MEA1: variants seen among roughly 807,000 people sequenced by gnomAD.
The protein encoded by MEA1 is male-enhanced antigen 1, also known as Male-enhanced antigen (H-Y structural gene).
Under a neutral mutation model 21.4 loss-of-function variants are expected in MEA1, and 22 were observed. The ratio of observed to expected loss-of-function variants is 1.03; its 90% CI spans 0.73 to 1.47. The LOEUF (loss-of-function observed/expected upper bound fraction) is 1.47, where lower values mean the gene tolerates loss of function less well. MEA1 is among the 40% of genes most tolerant of loss of function. MEA1 has a pLI of 0.00. For synonymous variants in MEA1, 91 were observed against 85.5 expected (o/e 1.06, Z -0.35); for missense variants, 233 against 230.5 (o/e 1.01, Z -0.07).
chr6:43,014,031 TCCCAGCCC>T, upstream of MEA1: 1 of 1,417,496 alleles, frequency 7.1e-7, no homozygotes, highest in South Asian at 1.6e-5. Flanking sequence ...CCTCCGTCAT[TCCCAGCCC>T]AAAAAACAAA....
At position 43,012,253 on chromosome 6, in the gene MEA1, A is replaced by C; in HGVS notation, c.*217T>G. ...TTTGGCTGTGTACATAGGGTGCTTTATTCTCCACAGAGTGATACATGCTAA... is the reference window on the plus strand; with the variant it reads ...TTTGGCTGTGTACATAGGGTGCTTTCTTCTCCACAGAGTGATACATGCTAA... On this transcript the variant is annotated 3_prime_UTR_variant, in exon 4 of 4. Coordinates refer to ENST00000244711, the MANE Select transcript of MEA1 (RefSeq NM_014623.4). 7.7e-7 allele frequency: 1 copy of C among 1,291,960 alleles called. No individual in the cohort carries two copies. The highest frequency in any genetic ancestry group is 9.8e-7 in the Non-Finnish European group (1 of 1,018,326). The allele number at this position is 1,291,960 out of a possible 1,614,324, so 80.0% of individuals were successfully genotyped here.
chr6:43,012,733 T>G (rs1023064237), intron 3 of MEA1, 112 bp from the exon 4 acceptor site: 2 of 1,369,234 alleles, frequency 1.5e-6, no homozygotes, highest in Non-Finnish European at 2.0e-6. Flanking sequence ...CAAATCCACC[T>G]TGTTACTTTA....
At chr6:43,014,411 C>G, upstream of MEA1, 1 of 433,192 alleles carries the variant, frequency 2.3e-6, no homozygotes, top group Non-Finnish European at 4.4e-6. Flanking sequence ...CTGTCTGGAG[C>G]TGGAGTGGCG....
chr6:43,012,805 C>T (rs1193055726), intron 3 of MEA1, 121 bp downstream of exon 3: 1 of 1,277,666 alleles, frequency 7.8e-7, no homozygotes, highest in Non-Finnish European at 1.1e-6. Context: ...CTGAAGTCTA[C>T]AAAATCTTAG....
Position 43,011,622 on chromosome 6 carries a change from T to G in MEA1, c.*848A>C. On this transcript the variant is annotated 3_prime_UTR_variant, in exon 4 of 4. Transcript: ENST00000244711. ...ACACAGGAATACATACGCTCCTCTA[T>G]TCTTCCCTTCATCCTCATTTGAACG... The G allele has an allele frequency of 3.1e-6, 1 of 317,950 alleles. No homozygotes were observed. The highest frequency in any genetic ancestry group is 5.9e-6 in the Non-Finnish European group (1 of 169,080). 19.7% of individuals were successfully genotyped at this position (317,950 alleles called of 1,614,324 possible).
chr6:43,013,419 G>C, intron 1 of MEA1, 30 bp from the exon 2 acceptor site: 1 of 1,604,548 alleles, frequency 6.2e-7, no homozygotes, highest in Non-Finnish European at 8.5e-7. Flanking sequence ...GTAGGACAGG[G>C]ATCGGATGAA....
In MEA1 at chr6:43,013,098, T is replaced by A. The variant is rs1762432203; in HGVS notation, c.303+17A>T. On this transcript the variant is annotated intron_variant, in intron 2 of 3. Coordinates refer to ENST00000244711, the MANE Select transcript of MEA1 (RefSeq NM_014623.4). Reference sequence around the variant, plus strand: ...CCCAGCTTCACCTGTTCAGGAACCATCCCTCCTCCACCCTACCTGGATTCG... The same window carrying A: ...CCCAGCTTCACCTGTTCAGGAACCAACCCTCCTCCACCCTACCTGGATTCG... 6.2e-7 allele frequency: 1 copy of A among 1,613,872 alleles called. No individual in the cohort carries two copies. The highest frequency in any genetic ancestry group is 1.7e-5 in the Admixed American group (1 of 59,982).
chr6:43,012,748 A>G, intron 3 of MEA1, 127 bp from the exon 4 acceptor site: 1 of 1,275,830 alleles, frequency 7.8e-7, no homozygotes, highest in Non-Finnish European at 1.1e-6. Flanking sequence ...ACTTTAAGGC[A>G]AGCCTGCCCA....
chr6:43,011,613 G>A lies in MEA1; in HGVS notation c.*857C>T, dbSNP rs1484083081. 8.2e-6 allele frequency: 3 copies of A among 365,124 alleles called. No individual in the cohort carries two copies. The highest frequency in any genetic ancestry group is 2.1e-5 in the African/African-American group (1 of 48,286). The allele number at this position is 365,124 out of a possible 1,614,324, so 22.6% of individuals were successfully genotyped here. On this transcript the variant is annotated 3_prime_UTR_variant, in exon 4 of 4. Coordinates refer to ENST00000244711, the MANE Select transcript of MEA1 (RefSeq NM_014623.4). Reference sequence around the variant, plus strand: ...GAGAAGTACACACAGGAATACATACGCTCCTCTATTCTTCCCTTCATCCTC... The same window carrying A: ...GAGAAGTACACACAGGAATACATACACTCCTCTATTCTTCCCTTCATCCTC...
chr6:43,013,204 G>T lies in MEA1; in HGVS notation c.214C>A (p.Pro72Thr), dbSNP rs1223294528. Reference protein sequence around the residue: ...GSGPAGYSYQPLNQDPEQEEV... With the variant: ...GSGPAGYSYQTLNQDPEQEEV... ...TCTTGTTCAGGATCTTGGTTCAGGG[G>T]CTGGTAGGAGTAGCCAGCTGGGCCC... The change falls in exon 2 of 4, where the codon CCC (proline) becomes ACC (threonine). Residue 72 changes from proline (P) to threonine (T), a missense_variant. Coordinates refer to ENST00000244711, the MANE Select transcript of MEA1 (RefSeq NM_014623.4). The T allele has an allele frequency of 3.7e-6, 6 of 1,614,024 alleles. No individual in the cohort carries two copies. The highest frequency in any genetic ancestry group is 5.1e-6 in the Non-Finnish European group (6 of 1,180,036).
At chr6:43,013,439 A>G (rs1292852896) in intron 1 of MEA1, 50 bp from the exon 2 acceptor site, 1 of 1,581,918 alleles carries the variant, frequency 6.3e-7, no homozygotes. Context: ...AACCAGGCCC[A>G]TCTTCATCCT....
chr6:43,015,975 C>T (rs1250012081), upstream of MEA1, among the ~76,000 whole-genome samples: 2 of 151,194 alleles, frequency 1.3e-5, no homozygotes, highest in African/African-American at 2.4e-5. Flanking sequence ...CTCGCTCTGT[C>T]GCCAGACTGG....
In MEA1 at chr6:43,011,157, A is replaced by C; in HGVS notation, c.*1313T>G. The C allele has an allele frequency of 6.2e-7, 1 of 1,614,170 alleles. No individual in the cohort carries two copies. The highest frequency in any genetic ancestry group is 1.1e-5 in the South Asian group (1 of 91,090). ...TCCCTATTCACACACAGATGCTAAA[A>C]GACATCAAGAAGGAGAAAGTGCTGC... On this transcript the variant is annotated 3_prime_UTR_variant, in exon 4 of 4. Coordinates refer to ENST00000244711, the MANE Select transcript of MEA1 (RefSeq NM_014623.4).
Position 43,013,537 on chromosome 6 carries a change from G to C in MEA1, c.29-148C>G, listed in dbSNP as rs569030666. The C allele has an allele frequency of 2.9e-5, 27 of 933,378 alleles. No homozygotes were observed. In the South Asian group the frequency reaches 4.7e-4, roughly 16 times the overall value. 57.8% of individuals were successfully genotyped at this position (933,378 alleles called of 1,614,324 possible). ...CCTCCACCCCTCCGCCCCAATTCCA[G>C]CCTCTCGTTCCTCCCCCTCCTAAGT... On this transcript the variant is annotated intron_variant, in intron 1 of 3. Transcript: ENST00000244711.
rs1222719271 is a variant in MEA1, at chr6:43,013,152, T to TC, written c.265dup (p.Asp89GlyfsTer7). The TC allele has an allele frequency of 6.2e-6, 10 of 1,614,052 alleles. No individual in the cohort carries two copies. Among genetic ancestry groups the TC allele is most frequent in the Non-Finnish European group, 8.5e-6 (10 of 1,179,998 alleles). On this transcript the variant is annotated frameshift_variant, in exon 2 of 4. Transcript: ENST00000244711. LOFTEE classifies it high-confidence loss of function. ...CTGGATGTCAGCAACTACATCTCCA[T>TC]CCCCCACTGGTGCCAGTTCCACCTC...
chr6:43,013,436 C>G lies in MEA1; in HGVS notation c.29-47G>C, dbSNP rs566799633. On this transcript the variant is annotated intron_variant, in intron 1 of 3. Coordinates refer to ENST00000244711, the MANE Select transcript of MEA1 (RefSeq NM_014623.4). Reference sequence around the variant, plus strand: ...AGGACAGGGATCGGATGAAACCAGGCCCATCTTCATCCTCTCATCATCTCC... The same window carrying G: ...AGGACAGGGATCGGATGAAACCAGGGCCATCTTCATCCTCTCATCATCTCC... 3.7e-5 allele frequency: 59 copies of G among 1,587,436 alleles called. No homozygotes were observed. In the East Asian group the frequency reaches 1.3e-3, roughly 36 times the overall value.
chr6:43,013,471 C>G (rs1427464732), intron 1 of MEA1, 82 bp from the exon 2 acceptor site: 1 of 1,485,224 alleles, frequency 6.7e-7, no homozygotes, highest in Non-Finnish European at 9.0e-7. Context: ...CTTGTAGTCT[C>G]CTGCGTGCAA....
At chr6:43,013,656 C>T (rs1446885541) in intron 1 of MEA1, 130 bp downstream of exon 1, 1 of 1,030,134 alleles carries the variant, frequency 9.7e-7, no homozygotes, top group Non-Finnish European at 1.5e-6. Flanking sequence ...CTAAAAGACA[C>T]CCCTTCCAGA....
At position 43,013,286 on chromosome 6, in the gene MEA1, T is replaced by C; in HGVS notation, c.132A>G (p.Glu44=). ...CCTCACTGCTCCAATCCCCAGTGCC[T>C]TCTGAAGGGCCCTGATGTCCCAGTT... The part of the protein sequence containing the change: ...TEELGHQGPS[E]GTGDWSSEEP... The change falls in exon 2 of 4, where the codon GAA becomes GAG. Residue 44 remains glutamate (E), a synonymous_variant. Coordinates refer to ENST00000244711, the MANE Select transcript of MEA1 (RefSeq NM_014623.4). The C allele has an allele frequency of 6.2e-7, 1 of 1,614,130 alleles. No individual in the cohort carries two copies.
Sources: allele counts gnomAD v4.1 joint callset (sites outside exome capture counted in the v4.1 genomes callset), GRCh38; gene constraint gnomAD v4.1.1; transcripts MANE v1.5; gene names NCBI Gene and HGNC (gene_info 2026-07-23, HGNC 2026-07-21).